The following MYH11 variants were observed in gnomAD, a reference collection of about 807,000 sequenced individuals.
The protein encoded by MYH11 is myosin-11.
Under a neutral mutation model 246.6 loss-of-function variants are expected in MYH11, and 80 were observed. The observed-to-expected ratio is 0.32, with a 90% CI of 0.27 to 0.39. The LOEUF (loss-of-function observed/expected upper bound fraction) is 0.39, where lower values mean the gene tolerates loss of function less well. Among genes scored for constraint, MYH11 ranks in the 10% least tolerant of loss-of-function variants. MYH11 has a pLI of 1.00. For synonymous variants in MYH11, 1,071 were observed against 1,015.5 expected (o/e 1.05, Z -1.04); for missense variants, 2,158 against 2,546.8 (o/e 0.85, Z 3.29).
intron 8 of MYH11, 178 bp downstream of exon 8, chr16:15,775,900 T>C: frequency 1.5e-6 from 1 of 663,290 alleles, no homozygotes. Flanking sequence ...TGAGAATGAC[T>C]GAACACAAGC....
chr16:15,757,976 T>C lies in MYH11; in HGVS notation c.1426A>G (p.Ile476Val), dbSNP rs878854163. 6.2e-7 allele frequency: 1 copy of C among 1,614,116 alleles called. No individual in the cohort carries two copies. The highest frequency in any genetic ancestry group is 1.7e-5 in the Admixed American group (1 of 60,030). ...TGCAGCTTCTCGTTGGTGTAGTTGA[T>C]GCACAGCTGCTCGAAGGAGTTCACC... is the stretch of plus-strand genomic sequence containing the variant. ...FEVNSFEQLC[I>V]NYTNEKLQQL... Residue 476 changes from isoleucine to valine, a missense_variant, in exon 13 of 41, where the codon ATC becomes GTC. Physicochemically the swap from Ile to Val is conservative, Grantham distance 29. Transcript: ENST00000300036.
At chr16:15,718,246 G>A (rs1209364917) in intron 37 of MYH11, 69 bp downstream of exon 37, 7 of 1,601,510 alleles carry the variant, frequency 4.4e-6, no homozygotes, top group Middle Eastern at 3.5e-4. Flanking sequence ...CGCGTGTGTT[G>A]ACTGGTGCAG....
At chr16:15,852,841 G>T (rs1238639973) in intron 1 of MYH11, among the ~76,000 whole-genome samples, 2 of 152,026 alleles carry the variant, frequency 1.3e-5, no homozygotes, top group Admixed American at 6.6e-5. Flanking sequence ...TAAATGCAAG[G>T]CCCTCCCTTG....
intron 4 of MYH11, among the ~76,000 whole-genome samples, chr16:15,788,796 A>ATGTGTG (rs1491190476): frequency 0.019 from 1,754 of 94,776 alleles, 11 homozygotes; most frequent in East Asian, 0.049. Context: ...AGACCAGAAT[A>ATGTGTG]TATGTGTGTG....
rs112930612 is a variant in MYH11 at position 15,853,154 on chromosome 16, C to A, written c.-18+3787G>T. On this transcript the variant is annotated intron_variant, in intron 1 of 40. Transcript: ENST00000300036. ...GTACAGTAAAGTTCTATGCCCCTCACCTTTTTTTTGAGACAGAGTCTCACT... is the reference window on the plus strand; with the variant it reads ...GTACAGTAAAGTTCTATGCCCCTCAACTTTTTTTTGAGACAGAGTCTCACT... Among the ~76,000 whole-genome samples, 872 of 152,160 alleles carry A rather than the reference C, an allele frequency of 5.7e-3. 6 individuals are homozygous for A. The highest frequency in any genetic ancestry group is 0.031 in the Middle Eastern group (9 of 294).
At chr16:15,757,664 A>C (rs1409639921) in intron 13 of MYH11, among the ~76,000 whole-genome samples, 163 bp downstream of exon 13, 1 of 152,138 alleles carries the variant, frequency 6.6e-6, no homozygotes, top group Non-Finnish European at 1.5e-5. Context: ...TGGAAATTGT[A>C]AGAGTTCACA....
rs567145279 is a variant in MYH11, at chr16:15,850,185, G to T, written c.-18+6756C>A. Among the ~76,000 whole-genome samples, 7 of 152,276 alleles carry T rather than the reference G, an allele frequency of 4.6e-5. No individual in the cohort carries two copies. In the South Asian group the frequency reaches 1.0e-3, roughly 23 times the overall value. On this transcript the variant is annotated intron_variant, in intron 1 of 40. Coordinates refer to ENST00000300036, the MANE Select transcript of MYH11 (RefSeq NM_002474.3). ...GGATAACCTGAGGTCAGTAGTTCAA[G>T]ACCAGCCTGGCCAACATGGTGAAAC... is the stretch of plus-strand genomic sequence containing the variant.
At chr16:15,709,189 C>A (rs1440038421) in intron 40 of MYH11, among the ~76,000 whole-genome samples, 1 of 152,058 alleles carries the variant, frequency 6.6e-6, no homozygotes. Flanking sequence ...GATCTTCCTG[C>A]CTTGGCCTCC....
intron 33 of MYH11, 27 bp from the exon 34 acceptor site, chr16:15,720,339 G>A: frequency 6.2e-7 from 1 of 1,606,400 alleles, no homozygotes; most frequent in Non-Finnish European, 8.5e-7. Flanking sequence ...GATGTGTGCT[G>A]CCCCACTTGC....
At chr16:15,805,940 C>A (rs2042999956) in intron 3 of MYH11, among the ~76,000 whole-genome samples, 1 of 151,862 alleles carries the variant, frequency 6.6e-6, no homozygotes, top group African/African-American at 2.4e-5. Context: ...TAGTATGAAT[C>A]CATGATACAA....
At chr16:15,762,990 C>T (rs1223991904) in intron 10 of MYH11, among the ~76,000 whole-genome samples, 1 of 152,198 alleles carries the variant, frequency 6.6e-6, no homozygotes, top group Non-Finnish European at 1.5e-5. Context: ...AGGCCAGCTT[C>T]TCAAAACACA....
chr16:15,803,863 C>G (rs2151328562), intron 3 of MYH11, among the ~76,000 whole-genome samples: 1 of 152,268 alleles, frequency 6.6e-6, no homozygotes. Flanking sequence ...CTGGGGGCTG[C>G]TGGGAGACCT....
At chr16:15,819,130 C>A (rs1212359337) in intron 3 of MYH11, among the ~76,000 whole-genome samples, 2 of 152,188 alleles carry the variant, frequency 1.3e-5, no homozygotes, top group African/African-American at 4.8e-5. Context: ...CTGCCTTGGC[C>A]TCCCAAAGTG....
rs368366419 is a variant in MYH11, at chr16:15,718,305, C to A, written c.5295+10G>T. ...AGGCAGCGTGACTGTGGTGTCCAGG[C>A]GGCCCTCACCTGCTGTGTGGCTTTG... On this transcript the variant is annotated intron_variant, in intron 37 of 40. Coordinates refer to ENST00000300036, the MANE Select transcript of MYH11 (RefSeq NM_002474.3). 1.2e-6 allele frequency: 2 copies of A among 1,608,124 alleles called. No homozygotes were observed. Among genetic ancestry groups the A allele is most frequent in the Non-Finnish European group, 1.7e-6 (2 of 1,179,966 alleles).
chr16:15,842,762 C>CAAAAAAAAAAAAAAAAA (rs757920488), intron 1 of MYH11, among the ~76,000 whole-genome samples: 4 of 19,642 alleles, frequency 2.0e-4, no homozygotes, highest in African/African-American at 4.4e-4. Flanking sequence ...AGACTTCATC[C>CAAAAAAAAAAAAAAAAA]AAAAAAAAAA....
rs747923542 is a variant in MYH11, at chr16:15,720,857, C to G, written c.4773G>C (p.Arg1591Ser). ...CACGCACCTGTCTCTGCAGTTGCCT[C>G]CTCTTCTCCTCATTCTGCTCGTCCC... Reference protein sequence around the residue: ...QARDEQNEEKRRQLQRQLHEY... With the variant: ...QARDEQNEEKSRQLQRQLHEY... The change falls in exon 33 of 41, where the codon AGG becomes AGC. Residue 1591 changes from arginine to serine, a missense_variant. Physicochemically the swap from Arg to Ser is moderately radical, Grantham distance 110. Around this residue, in one of 11 missense-constraint regions of MYH11, gnomAD observed 1,013 missense variants for 993.5 expected, o/e 1.02. Transcript: ENST00000300036. 2.5e-6 allele frequency: 4 copies of G among 1,613,640 alleles called. No homozygotes were observed. The highest frequency in any genetic ancestry group is 3.4e-6 in the Non-Finnish European group (4 of 1,180,032).
chr16:15,708,681 T>G, intron 40 of MYH11: 1 of 1,032,340 alleles, frequency 9.7e-7, no homozygotes, highest in Non-Finnish European at 1.5e-6. Context: ...GCCTCCAGAT[T>G]TTGCAAGAAT....
At chr16:15,744,231 C>T (rs2041354928) in intron 20 of MYH11, among the ~76,000 whole-genome samples, 1 of 152,046 alleles carries the variant, frequency 6.6e-6, no homozygotes, top group Non-Finnish European at 1.5e-5. Flanking sequence ...CGCTCTGTCA[C>T]CAGGCTGGAG....
chr16:15,705,838 G>A (rs531810435), intron 40 of MYH11, among the ~76,000 whole-genome samples: 4 of 151,874 alleles, frequency 2.6e-5, no homozygotes, highest in South Asian at 2.1e-4. Flanking sequence ...AAAATTAGCC[G>A]GGCGTGCTGG....
Sources: allele counts gnomAD v4.1 joint callset (sites outside exome capture counted in the v4.1 genomes callset), GRCh38; gene constraint gnomAD v4.1.1; regional missense constraint gnomAD v4.1.1; transcripts MANE v1.5; gene names NCBI Gene and HGNC (gene_info 2026-07-23, HGNC 2026-07-21).